The following SETD7 variants were observed in gnomAD, a reference collection of about 807,000 sequenced individuals.
SETD7 encodes the protein histone-lysine N-methyltransferase SETD7.
A neutral mutation model predicts 41.8 loss-of-function variants in SETD7; 16 were observed. The observed-to-expected ratio is 0.38, with a 90% confidence interval of 0.26 to 0.58. SETD7 has a LOEUF of 0.58. Among genes scored for constraint, SETD7 ranks in the 20% least tolerant of loss-of-function variants. The pLI is 0.64. For synonymous variants in SETD7, 163 were observed against 169.7 expected (o/e 0.96, Z 0.31); for missense variants, 346 against 459.7 (o/e 0.75, Z 2.26).
At chr4:139,534,902 T>C (rs957267003) in intron 2 of SETD7, among the ~76,000 whole-genome samples, 12 of 152,222 alleles carry the variant, frequency 7.9e-5, no homozygotes, top group African/African-American at 2.7e-4. Flanking sequence ...GAAAAGCAGA[T>C]TCTAAATAAT....
intron 4 of SETD7, among the ~76,000 whole-genome samples, chr4:139,525,839 A>G (rs1727312830): frequency 6.6e-6 from 1 of 152,194 alleles, no homozygotes. Context: ...ATGGCAGAAC[A>G]TTAGACTAAA....
At position 139,507,476 on chromosome 4, in the gene SETD7, C is replaced by T. The variant is rs1726740545; in HGVS notation, c.*4187G>A. On this transcript the variant is annotated 3_prime_UTR_variant, in exon 8 of 8. Coordinates refer to ENST00000274031, the MANE Select transcript of SETD7 (RefSeq NM_030648.4). Reference sequence around the variant, plus strand: ...TTGATCTGCATTACATCTCAATAGACTCAGATAATTCTCACCAAAATTTTT... The same window carrying T: ...TTGATCTGCATTACATCTCAATAGATTCAGATAATTCTCACCAAAATTTTT... The T allele has an allele frequency of 6.6e-6, 1 of 152,636 alleles. No individual in the cohort carries two copies. Among genetic ancestry groups the T allele is most frequent in the South Asian group, 2.1e-4 (1 of 4,832 alleles). The allele number at this position is 152,636 out of a possible 1,614,324, so 9.5% of individuals were successfully genotyped here.
intron 5 of SETD7, among the ~76,000 whole-genome samples, chr4:139,522,741 C>CTTTTTTTTTTTTTTTTTTT (rs11357611): frequency 6.4e-5 from 6 of 93,452 alleles, no homozygotes; most frequent in Non-Finnish European, 7.7e-5. Flanking sequence ...CCCAGCTGCT[C>CTTTTTTTTTTTTTTTTTTT]TTTTTTTTTT....
At chr4:139,521,489 G>C (rs1251733238) in intron 5 of SETD7, among the ~76,000 whole-genome samples, 1 of 152,064 alleles carries the variant, frequency 6.6e-6, no homozygotes, top group Non-Finnish European at 1.5e-5. Flanking sequence ...CGCTGGGATG[G>C]AATGACCCTA....
intron 7 of SETD7, among the ~76,000 whole-genome samples, chr4:139,512,367 G>A (rs1726899840): frequency 6.6e-6 from 1 of 152,202 alleles, no homozygotes; most frequent in Non-Finnish European, 1.5e-5. Context: ...TATACATAGA[G>A]AGGAAATATT....
At chr4:139,530,480 T>C (rs1727453963) in intron 3 of SETD7, among the ~76,000 whole-genome samples, 3 of 151,852 alleles carry the variant, frequency 2.0e-5, no homozygotes, top group Non-Finnish European at 4.4e-5. Context: ...GCACTAGGGA[T>C]ATAGTCATTG....
intron 7 of SETD7, among the ~76,000 whole-genome samples, chr4:139,514,670 T>C (rs983727810): frequency 1.3e-5 from 2 of 152,152 alleles, no homozygotes; most frequent in African/African-American, 2.4e-5. Context: ...ATGAAGAGCA[T>C]CTAGCACAGC....
At chr4:139,520,429 C>T in intron 5 of SETD7, 35 bp from the exon 6 acceptor site, 1 of 1,264,036 alleles carries the variant, frequency 7.9e-7, no homozygotes, top group Non-Finnish European at 1.1e-6. Flanking sequence ...GTGACCTTTT[C>T]AGCTTAATAT....
At chr4:139,520,788 TGGGAGGGA>T in intron 5 of SETD7, among the ~76,000 whole-genome samples, 2 of 152,306 alleles carry the variant, frequency 1.3e-5, no homozygotes, top group Middle Eastern at 6.8e-3. Flanking sequence ...CAGTGTTAGA[TGGGAGGGA>T]AAGGAGGCTG....
rs1371422523 is a variant in SETD7, at chr4:139,539,173, CTGTTCCCTTCCTTCCACTG to C, written c.171-5826_171-5808del. ...CCTTCCGCCTCCTGGGGCCTAAATTCTGTTCCCTTCCTTCCACTGTGTTCCCTTCCTTTTGTCAGCCATA... is the reference window on the plus strand; with the variant it reads ...CCTTCCGCCTCCTGGGGCCTAAATTCTGTTCCCTTCCTTTTGTCAGCCATA... On this transcript the variant is annotated intron_variant, in intron 2 of 7. Coordinates refer to ENST00000274031, the MANE Select transcript of SETD7 (RefSeq NM_030648.4). Among the ~76,000 whole-genome samples the C allele has an allele frequency of 8.1e-4, 124 of 152,256 alleles. 1 individual carries two copies. The highest frequency in any genetic ancestry group is 1.0e-3 in the Non-Finnish European group (69 of 68,032).
intron 1 of SETD7, among the ~76,000 whole-genome samples, 175 bp from the exon 2 acceptor site, chr4:139,547,224 G>A (rs1727986123): frequency 2.0e-5 from 3 of 152,102 alleles, no homozygotes. Flanking sequence ...TCACCTCATC[G>A]GCACCAGCAG....
intron 7 of SETD7, among the ~76,000 whole-genome samples, chr4:139,512,892 G>A (rs1239835742): frequency 6.6e-6 from 1 of 150,394 alleles, no homozygotes; most frequent in African/African-American, 2.4e-5. Flanking sequence ...CAAGCAGCTG[G>A]GATTACAGGT....
intron 1 of SETD7, among the ~76,000 whole-genome samples, chr4:139,548,304 T>C (rs1239631862): frequency 1.3e-5 from 2 of 152,128 alleles, no homozygotes; most frequent in African/African-American, 4.8e-5. Flanking sequence ...ATATTAGCCC[T>C]TGGAAAAGAT....
chr4:139,507,629 C>A lies in SETD7; in HGVS notation c.*4034G>T, dbSNP rs577554437. On this transcript the variant is annotated 3_prime_UTR_variant, in exon 8 of 8. Transcript: ENST00000274031. ...TAAAATTTGTGAAAAGGGTTCCCAC[C>A]CCTGTGGTTGTATGGCTTGAAATAG... The A allele has an allele frequency of 6.6e-6, 1 of 152,446 alleles. No individual in the cohort carries two copies. The highest frequency in any genetic ancestry group is 6.5e-5 in the Admixed American group (1 of 15,270). 9.4% of individuals were successfully genotyped at this position (152,446 alleles called of 1,614,324 possible).
Position 139,544,797 on chromosome 4 carries a change from A to AGAGTGT in SETD7, c.170+2122_170+2123insACACTC, listed in dbSNP as rs368215626. Among the ~76,000 whole-genome samples the AGAGTGT allele has an allele frequency of 2.1e-5, 3 of 144,840 alleles. No individual in the cohort carries two copies. The Admixed American group carries it at 2.1e-4, about 10-fold the overall frequency. On this transcript the variant is annotated intron_variant, in intron 2 of 7. Transcript: ENST00000274031. The stretch of plus-strand genomic sequence containing the variant: ...ATCATCATCAAACTACCAGATTTAA[A>AGAGTGT]GTGTGTGTGTGTGTGTGTGTGTGTG...
At chr4:139,518,884 G>A (rs1324980100) in intron 6 of SETD7, among the ~76,000 whole-genome samples, 2 of 152,170 alleles carry the variant, frequency 1.3e-5, no homozygotes, top group Non-Finnish European at 2.9e-5. Context: ...CTCACCCCAG[G>A]AGCTGGTGAT....
At chr4:139,547,634 A>T (rs1189304329) in intron 1 of SETD7, among the ~76,000 whole-genome samples, 2 of 152,258 alleles carry the variant, frequency 1.3e-5, no homozygotes, top group African/African-American at 4.8e-5. Context: ...CACAAGGAAC[A>T]GTGTCATATC....
intron 1 of SETD7, among the ~76,000 whole-genome samples, chr4:139,550,056 AT>A (rs1043804811): frequency 3.3e-5 from 5 of 151,594 alleles, no homozygotes; most frequent in East Asian, 1.9e-4. Context: ...CTAATTAAAA[AT>A]TTTTTTTTAT....
Position 139,507,504 on chromosome 4 carries a change from A to C in SETD7, c.*4159T>G, listed in dbSNP as rs1397332014. 1 of 152,676 alleles carries C rather than the reference A, an allele frequency of 6.5e-6. No individual in the cohort carries two copies. Among genetic ancestry groups the C allele is most frequent in the Non-Finnish European group, 1.5e-5 (1 of 68,052 alleles). The allele number at this position is 152,676 out of a possible 1,614,324, so 9.5% of individuals were successfully genotyped here. A position where few individuals can be genotyped will look rare whatever the true frequency, so the allele number is the denominator to read the frequency against. On this transcript the variant is annotated 3_prime_UTR_variant, in exon 8 of 8. Coordinates refer to ENST00000274031, the MANE Select transcript of SETD7 (RefSeq NM_030648.4). The stretch of plus-strand genomic sequence containing the variant: ...AGATAATTCTCACCAAAATTTTTGT[A>C]ATGTGTTTAAGTAGCACTGGAATAA...
Sources: gnomAD v4.1 joint callset for allele counts (sites outside exome capture counted in the v4.1 genomes callset) on GRCh38, gnomAD v4.1.1 for gene constraint, MANE v1.5 for transcripts, NCBI Gene and HGNC (gene_info 2026-07-23, HGNC 2026-07-21) for gene names.